ZNF469: variants seen among roughly 807,000 people sequenced by gnomAD.
The protein encoded by ZNF469 is zinc finger protein 469.
ZNF469 carries 1 observed loss-of-function variant against 1.0 expected under a neutral mutation model. That is an observed-to-expected ratio of 1.00 (90% CI 0.35 to 4.73). The LOEUF is 4.73. ZNF469 is among the 30% of genes most tolerant of loss of function. ZNF469 has a pLI of 0.16. For synonymous variants in ZNF469, 2,703 were observed against 2,363.4 expected (o/e 1.14, Z -4.17); for missense variants, 6,100 against 5,356.3 (o/e 1.14, Z -4.33).
the ZNF469 span, among the ~76,000 whole-genome samples, chr16:88,110,235 T>G: frequency 6.6e-6 from 1 of 152,274 alleles, no homozygotes; most frequent in East Asian, 1.9e-4. Flanking sequence ...GAGGGTGAGT[T>G]CAGACCCCCG....
the ZNF469 span, among the ~76,000 whole-genome samples, chr16:88,143,526 G>A: frequency 1.3e-5 from 2 of 151,970 alleles, no homozygotes; most frequent in Admixed American, 6.5e-5. Flanking sequence ...CCCCACCTTC[G>A]GGCCTCTGCT....
chr16:88,344,860 C>T, the ZNF469 span, among the ~76,000 whole-genome samples: 7 of 152,324 alleles, frequency 4.6e-5, no homozygotes, highest in Admixed American at 1.3e-4. Flanking sequence ...CTCTGGGTCC[C>T]GCGTGTCGAA....
chr16:88,104,289 C>A, the ZNF469 span, among the ~76,000 whole-genome samples: 11 of 151,310 alleles, frequency 7.3e-5, no homozygotes, highest in African/African-American at 2.7e-4. Context: ...TATTGAGATA[C>A]GCTTCACATA....
At chr16:88,406,607 C>A (rs1905035310) in intron 1 of ZNF469, among the ~76,000 whole-genome samples, 1 of 152,200 alleles carries the variant, frequency 6.6e-6, no homozygotes, top group South Asian at 2.1e-4. Flanking sequence ...GAGGGTTCAA[C>A]AGGGAGAGGA....
chr16:88,320,881 T>C, the ZNF469 span, among the ~76,000 whole-genome samples: 1 of 152,008 alleles, frequency 6.6e-6, no homozygotes, highest in Non-Finnish European at 1.5e-5. Flanking sequence ...CCACAGAGGG[T>C]GTGAGCTGCC....
At position 88,427,532 on chromosome 16, in the gene ZNF469, G is replaced by C. The variant is rs145178398; in HGVS notation, c.62G>C (p.Arg21Pro). ...ACCATGACTGGAGACCTGCAGCCCC[G>C]CCAAGTTGCCAGCAGCCCGGGGCAC... ...PPTMTGDLQP[R>P]QVASSPGHPS... The change falls in exon 3 of 3, where the codon CGC becomes CCC. Residue 21 changes from arginine (R) to proline (P), a missense_variant. Physicochemically the swap from Arg to Pro is moderately radical, Grantham distance 103. Coordinates refer to ENST00000565624, the MANE Select transcript of ZNF469 (RefSeq NM_001367624.2). 1.8e-5 allele frequency: 27 copies of C among 1,535,424 alleles called. 1 individual carries two copies. The highest frequency in any genetic ancestry group is 4.8e-5 in the South Asian group (4 of 83,864).
the ZNF469 span, among the ~76,000 whole-genome samples, chr16:88,310,914 C>T: frequency 5.9e-5 from 9 of 152,172 alleles, no homozygotes; most frequent in South Asian, 2.1e-4. Flanking sequence ...CACCCTCTCA[C>T]GGTGCCTTTG....
At chr16:88,373,206 C>G in the ZNF469 span, among the ~76,000 whole-genome samples, 1 of 152,224 alleles carries the variant, frequency 6.6e-6, no homozygotes, top group South Asian at 2.1e-4. Flanking sequence ...ACAAGACTTG[C>G]CCAAAGTCAC....
chr16:88,238,695 C>T, the ZNF469 span, among the ~76,000 whole-genome samples: 1 of 152,190 alleles, frequency 6.6e-6, no homozygotes, highest in Non-Finnish European at 1.5e-5. Flanking sequence ...TCCTATCAAC[C>T]CTCTTAAAAC....
Position 88,439,582 on chromosome 16 carries a change from G to A in ZNF469, c.*250G>A. 2 of 548,426 alleles carry A rather than the reference G, an allele frequency of 3.6e-6. No homozygotes were observed. The highest frequency in any genetic ancestry group is 6.5e-6 in the Non-Finnish European group (2 of 305,486). The allele number at this position is 548,426 out of a possible 1,614,324, so 34.0% of individuals were successfully genotyped here. A position where few individuals can be genotyped will look rare whatever the true frequency, so the allele number is the denominator to read the frequency against. ...GCAGCCCTTTTGAGACCACACAGCT[G>A]TTTTCTTGGTACCAAGTACTTGAAG... is the stretch of plus-strand genomic sequence containing the variant. On this transcript the variant is annotated 3_prime_UTR_variant, in exon 3 of 3. Coordinates refer to ENST00000565624, the MANE Select transcript of ZNF469 (RefSeq NM_001367624.2).
chr16:88,284,660 A>G, the ZNF469 span, among the ~76,000 whole-genome samples: 7 of 151,506 alleles, frequency 4.6e-5, no homozygotes, highest in Non-Finnish European at 4.4e-5. Context: ...CCAACACACA[A>G]TTCACCACCA....
chr16:88,238,694 C>T, the ZNF469 span, among the ~76,000 whole-genome samples: 1 of 152,214 alleles, frequency 6.6e-6, no homozygotes, highest in Non-Finnish European at 1.5e-5. Flanking sequence ...TTCCTATCAA[C>T]CCTCTTAAAA....
At chr16:88,421,760 C>G (rs1053644499) in intron 1 of ZNF469, among the ~76,000 whole-genome samples, 1 of 152,264 alleles carries the variant, frequency 6.6e-6, no homozygotes, top group Non-Finnish European at 1.5e-5. Flanking sequence ...TATAGACAGT[C>G]CTGCCTTCAA....
rs1285815822 is a variant in ZNF469, at chr16:88,440,380, G to T, written c.*1048G>T. ...GGCTGCAGAGCCGCTGCCCTGGCCA[G>T]GGCACCCTCATGCACCGACCCAACC... On this transcript the variant is annotated 3_prime_UTR_variant, in exon 3 of 3. Coordinates refer to ENST00000565624, the MANE Select transcript of ZNF469 (RefSeq NM_001367624.2). 1 of 151,986 alleles carries T rather than the reference G, an allele frequency of 6.6e-6. No individual in the cohort carries two copies. Among genetic ancestry groups the T allele is most frequent in the Non-Finnish European group, 1.5e-5 (1 of 67,970 alleles). 9.4% of individuals were successfully genotyped at this position (151,986 alleles called of 1,614,324 possible). A position where few individuals can be genotyped will look rare whatever the true frequency, so the allele number is the denominator to read the frequency against.
chr16:88,109,933 T>G, the ZNF469 span, among the ~76,000 whole-genome samples: 1 of 152,192 alleles, frequency 6.6e-6, no homozygotes, highest in Non-Finnish European at 1.5e-5. Flanking sequence ...GTTAGTTGAG[T>G]AAATGTGAGT....
the ZNF469 span, among the ~76,000 whole-genome samples, chr16:88,276,847 A>G: frequency 6.0e-3 from 912 of 152,222 alleles, 13 homozygotes; most frequent in African/African-American, 0.021. Flanking sequence ...TACTGTGTAG[A>G]TATCATTAGT....
At chr16:88,200,455 C>T in the ZNF469 span, among the ~76,000 whole-genome samples, 1 of 152,256 alleles carries the variant, frequency 6.6e-6, no homozygotes, top group South Asian at 2.1e-4. Flanking sequence ...TGGCCAGCAA[C>T]AGAAGGCCGG....
intron 1 of ZNF469, among the ~76,000 whole-genome samples, chr16:88,419,808 G>T (rs191698637): frequency 1.3e-3 from 192 of 152,364 alleles, no homozygotes; most frequent in Non-Finnish European, 1.8e-3. Context: ...CACCCAGAAG[G>T]CCCCATGTCC....
At chr16:88,205,940 G>T in the ZNF469 span, among the ~76,000 whole-genome samples, 1 of 150,398 alleles carries the variant, frequency 6.6e-6, no homozygotes, top group East Asian at 2.0e-4. This position sits in a 1 kb window ranked among gnomAD's most constrained non-coding sequence, Gnocchi z 4.2. Context: ...GGGGAGCAGT[G>T]GAGGGTTTCA....
Sources: gnomAD v4.1 joint callset for allele counts (sites outside exome capture counted in the v4.1 genomes callset) on GRCh38, gnomAD v4.1.1 for gene constraint, Gnocchi (gnomAD v3.1) non-coding constraint, MANE v1.5 for transcripts, NCBI Gene and HGNC (gene_info 2026-07-23, HGNC 2026-07-21) for gene names.